EYS: variants seen among roughly 807,000 people sequenced by gnomAD.
The protein encoded by EYS is protein eyes shut homolog.
Under a neutral mutation model 282.1 loss-of-function variants are expected in EYS, and 250 were observed. The ratio of observed to expected loss-of-function variants is 0.89; its 90% CI spans 0.80 to 0.98. The LOEUF (loss-of-function observed/expected upper bound fraction) is 0.98, where lower values mean the gene tolerates loss of function less well. Among genes scored for constraint, EYS ranks in the 50% least tolerant of loss-of-function variants. The pLI is 0.00. For synonymous variants in EYS, 1,355 were observed against 1,282.9 expected (o/e 1.06, Z -1.20); for missense variants, 4,016 against 3,709.0 (o/e 1.08, Z -2.15).
At chr6:65,456,963 T>C (rs1764641983) in intron 5 of EYS, among the ~76,000 whole-genome samples, 1 of 152,010 alleles carries the variant, frequency 6.6e-6, no homozygotes, top group Non-Finnish European at 1.5e-5. Context: ...CTTACCATTA[T>C]CTCCTGAGCA....
At chr6:64,324,718 TAAAG>T (rs1207799132) in intron 29 of EYS, among the ~76,000 whole-genome samples, 8 of 152,152 alleles carry the variant, frequency 5.3e-5, no homozygotes, top group African/African-American at 1.9e-4. Context: ...TAGAAAACCA[TAAAG>T]ACTCTGCCAA....
chr6:64,399,185 T>G (rs1004141306), intron 28 of EYS, among the ~76,000 whole-genome samples: 6 of 151,730 alleles, frequency 4.0e-5, no homozygotes, highest in Non-Finnish European at 8.9e-5. Flanking sequence ...TGATCTTTGA[T>G]TATGACAACT....
chr6:64,660,254 T>C (rs1353883506), intron 22 of EYS, among the ~76,000 whole-genome samples: 1 of 152,100 alleles, frequency 6.6e-6, no homozygotes, highest in Non-Finnish European at 1.5e-5. Flanking sequence ...ATAAGAGCTA[T>C]CTATGACAAA....
intron 33 of EYS, among the ~76,000 whole-genome samples, chr6:64,033,979 C>T (rs1415193338): frequency 6.6e-6 from 1 of 152,018 alleles, no homozygotes; most frequent in Non-Finnish European, 1.5e-5. Flanking sequence ...ACAGTATAGT[C>T]TAATTTGTCA....
At chr6:65,443,012 A>G (rs1768428894) in intron 5 of EYS, among the ~76,000 whole-genome samples, 1 of 128,972 alleles carries the variant, frequency 7.8e-6, no homozygotes, top group Admixed American at 8.6e-5. Context: ...ATGTACACAT[A>G]TCTGTAAATA....
At chr6:64,155,996 G>A (rs887719541) in intron 31 of EYS, among the ~76,000 whole-genome samples, 1 of 150,754 alleles carries the variant, frequency 6.6e-6, no homozygotes, top group Non-Finnish European at 1.5e-5. Context: ...ATATATGTGT[G>A]TGTGTGTGTG....
intron 11 of EYS, among the ~76,000 whole-genome samples, chr6:65,317,602 T>C (rs1769326865): frequency 6.6e-6 from 1 of 152,288 alleles, no homozygotes; most frequent in Admixed American, 6.5e-5. Context: ...CAAGGAAATC[T>C]AGGGGCAGCT....
At chr6:65,035,816 T>C (rs1470176708) in intron 13 of EYS, among the ~76,000 whole-genome samples, 1 of 151,012 alleles carries the variant, frequency 6.6e-6, no homozygotes, top group African/African-American at 2.4e-5. Context: ...CAGAATTGCT[T>C]TGGCTATCCA....
At chr6:64,924,961 A>G (rs905098239) in intron 15 of EYS, among the ~76,000 whole-genome samples, 20 of 152,164 alleles carry the variant, frequency 1.3e-4, no homozygotes, top group African/African-American at 4.6e-4. Context: ...CCCAGTTCCA[A>G]AGTCACTTCC....
intron 33 of EYS, among the ~76,000 whole-genome samples, chr6:64,055,325 C>A (rs1770946315): frequency 6.6e-6 from 1 of 151,996 alleles, no homozygotes; most frequent in African/African-American, 2.4e-5. Context: ...AAAACCATAA[C>A]AATAATACTT....
intron 14 of EYS, 116 bp downstream of exon 14, chr6:64,997,466 G>A: frequency 2.2e-6 from 2 of 896,212 alleles, no homozygotes; most frequent in East Asian, 5.7e-5. Flanking sequence ...TGAGAAGTAA[G>A]CATATGTAAT....
At chr6:64,932,616 C>T (rs1456373176) in intron 15 of EYS, among the ~76,000 whole-genome samples, 1 of 151,930 alleles carries the variant, frequency 6.6e-6, no homozygotes, top group African/African-American at 2.4e-5. Flanking sequence ...AAGATATAAA[C>T]AGCCCTAATC....
chr6:64,671,523 A>G (rs1769462214), intron 22 of EYS, among the ~76,000 whole-genome samples: 1 of 152,158 alleles, frequency 6.6e-6, no homozygotes, highest in African/African-American at 2.4e-5. Context: ...TAGCCGACCA[A>G]AAGAGCTAAG....
chr6:64,463,976 T>C (rs192974300), intron 26 of EYS, among the ~76,000 whole-genome samples: 3 of 152,276 alleles, frequency 2.0e-5, no homozygotes, highest in Non-Finnish European at 2.9e-5. Context: ...CAAAGCCAGA[T>C]AAGGTCACAA....
intron 33 of EYS, among the ~76,000 whole-genome samples, chr6:64,036,101 G>T (rs547690813): frequency 4.3e-4 from 65 of 152,288 alleles, no homozygotes; most frequent in African/African-American, 1.6e-3. Flanking sequence ...AGCAAATTTT[G>T]TTGTATAATA....
intron 19 of EYS, among the ~76,000 whole-genome samples, chr6:64,824,214 G>A (rs1764982378): frequency 6.6e-6 from 1 of 151,854 alleles, no homozygotes; most frequent in Non-Finnish European, 1.5e-5. Context: ...TAAAATACAG[G>A]TGGCTCTTAA....
chr6:65,460,002 A>G (rs1764767306), intron 5 of EYS, among the ~76,000 whole-genome samples: 2 of 116,204 alleles, frequency 1.7e-5, no homozygotes, highest in African/African-American at 3.6e-5. Flanking sequence ...ATATATATAT[A>G]TATATAATTT....
At position 65,330,871 on chromosome 6, in the gene EYS, C is replaced by T. The variant is rs543405101; in HGVS notation, c.1766+4109G>A. The T allele has an allele frequency of 2.9e-4, 275 of 952,342 alleles. 1 individual carries two copies. The South Asian group carries it at 0.012, about 40-fold the overall frequency. 59.0% of individuals were successfully genotyped at this position (952,342 alleles called of 1,614,324 possible). ...CTATATAAGGTATAAGGTTGTAATC[C>T]AGTTTCATTTAAGGTCTTATTATGA... On this transcript the variant is annotated intron_variant, in intron 11 of 42. Transcript: ENST00000503581.
At chr6:64,269,324 CAT>C (rs1214228748) in intron 30 of EYS, among the ~76,000 whole-genome samples, 3 of 151,832 alleles carry the variant, frequency 2.0e-5, no homozygotes, top group East Asian at 1.9e-4. Context: ...GTGCGACTAA[CAT>C]AGAATAATTT....
Sources: gnomAD v4.1 joint callset for allele counts (sites outside exome capture counted in the v4.1 genomes callset) on GRCh38, gnomAD v4.1.1 for gene constraint, MANE v1.5 for transcripts, NCBI Gene and HGNC (gene_info 2026-07-23, HGNC 2026-07-21) for gene names.